Variants in PREX2 observed in about 807,000 individuals in gnomAD.
PREX2 encodes phosphatidylinositol-3,4,5-trisphosphate dependent Rac exchange factor 2.
A neutral mutation model predicts 203.2 loss-of-function variants in PREX2; 107 were observed. The observed-to-expected ratio is 0.53, with a 90% CI of 0.45 to 0.62. The LOEUF (loss-of-function observed/expected upper bound fraction) is 0.62, where lower values mean the gene tolerates loss of function less well. Ranked by LOEUF, PREX2 falls within the 20% of genes least tolerant of loss-of-function variation. PREX2 has a pLI of 0.00. For missense variants in PREX2, 1,777 were observed against 1,955.9 expected (o/e 0.91, Z 1.72); for synonymous variants, 672 against 663.6 (o/e 1.01, Z -0.19).
intron 35 of PREX2, among the ~76,000 whole-genome samples, chr8:68,171,152 G>T (rs769176601): frequency 1.3e-5 from 2 of 152,060 alleles, no homozygotes; most frequent in African/African-American, 2.4e-5. Flanking sequence ...TTATGATTTG[G>T]CATATCTGAA....
At chr8:68,156,033 A>G (rs1280241421) in intron 34 of PREX2, among the ~76,000 whole-genome samples, 1 of 151,924 alleles carries the variant, frequency 6.6e-6, no homozygotes, top group Non-Finnish European at 1.5e-5. Context: ...GAAAATTTCC[A>G]TTTTTTTACT....
At chr8:68,099,210 A>C (rs559850882) in intron 22 of PREX2, among the ~76,000 whole-genome samples, 1 of 152,204 alleles carries the variant, frequency 6.6e-6, no homozygotes, top group South Asian at 2.1e-4. Flanking sequence ...TTCAGCAAGC[A>C]GTTGTCAAAT....
chr8:68,204,451 G>A (rs879319031), intron 37 of PREX2, among the ~76,000 whole-genome samples: 5 of 152,076 alleles, frequency 3.3e-5, no homozygotes, highest in African/African-American at 1.2e-4. Flanking sequence ...AGAATTTCAT[G>A]GCTAATTCCC....
At position 68,055,936 on chromosome 8, in the gene PREX2, G is replaced by GAAAA; in HGVS notation, c.1201_1202insAAAA (p.Arg401LysfsTer9). 2 of 1,612,130 alleles carry GAAAA rather than the reference G, an allele frequency of 1.2e-6. No individual in the cohort carries two copies. Among genetic ancestry groups the GAAAA allele is most frequent in the Non-Finnish European group, 8.5e-7 (1 of 1,179,164 alleles). The stretch of plus-strand genomic sequence containing the variant: ...AAGGAAATCTGATCAAAGACCGAAA[G>GAAAA]AGAAAACTGACTACGTTCCCTAAAT... On this transcript the variant is annotated frameshift_variant, in exon 10 of 40. Transcript: ENST00000288368. LOFTEE classifies it high-confidence loss of function.
intron 37 of PREX2, among the ~76,000 whole-genome samples, chr8:68,203,586 T>G (rs1225406643): frequency 2.0e-5 from 3 of 152,172 alleles, no homozygotes; most frequent in African/African-American, 7.2e-5. Context: ...CTTTGGGTTT[T>G]AGGAGCAGGT....
intron 39 of PREX2, 28 bp from the exon 40 acceptor site, chr8:68,231,305 C>A: frequency 6.4e-7 from 1 of 1,552,538 alleles, no homozygotes; most frequent in Non-Finnish European, 8.7e-7. Flanking sequence ...CACTAAGTCA[C>A]TGTCAAACTT....
At chr8:68,056,467 G>A (rs549837014) in intron 10 of PREX2, among the ~76,000 whole-genome samples, 1 of 152,292 alleles carries the variant, frequency 6.6e-6, no homozygotes, top group African/African-American at 2.4e-5. Flanking sequence ...CAGGCAGCAA[G>A]CAATAGGCAG....
chr8:68,156,876 T>C (rs1299420301), intron 34 of PREX2, among the ~76,000 whole-genome samples: 2 of 152,216 alleles, frequency 1.3e-5, no homozygotes, highest in African/African-American at 4.8e-5. Context: ...CCTTTATGGA[T>C]GTAAATTTTC....
intron 1 of PREX2, among the ~76,000 whole-genome samples, chr8:67,981,825 G>GTGCTGTGAGGT (rs1806282316): frequency 6.6e-6 from 1 of 152,190 alleles, no homozygotes; most frequent in Non-Finnish European, 1.5e-5. Context: ...TAAGAACTAT[G>GTGCTGTGAGGT]TGCTGTGAGG....
At chr8:68,135,765 C>T (rs1375463061) in intron 32 of PREX2, among the ~76,000 whole-genome samples, 2 of 152,066 alleles carry the variant, frequency 1.3e-5, no homozygotes, top group African/African-American at 2.4e-5. Context: ...CACACAAAAT[C>T]TTGTATGCAA....
At chr8:68,103,178 T>C (rs1427538060) in intron 23 of PREX2, among the ~76,000 whole-genome samples, 1 of 152,188 alleles carries the variant, frequency 6.6e-6, no homozygotes, top group East Asian at 1.9e-4. Context: ...TCCTTACTTA[T>C]TAATGCCATG....
rs562035043 is a variant in PREX2, at chr8:68,157,706, G to A, written c.4346+270G>A. 2.4e-4 allele frequency among the ~76,000 whole-genome samples: 36 copies of A among 152,066 alleles called. No individual in the cohort carries two copies. In the South Asian group the frequency reaches 4.4e-3, roughly 18 times the overall value. On this transcript the variant is annotated intron_variant, in intron 35 of 39. Transcript: ENST00000288368. ...GAAGGGGTTAAATATGTAGTAGACC[G>A]TTTCCAAGAAAGAAAATCACTGACA...
intron 1 of PREX2, among the ~76,000 whole-genome samples, chr8:67,981,905 G>A (rs776534271): frequency 2.6e-5 from 4 of 152,184 alleles, no homozygotes; most frequent in Admixed American, 2.0e-4. Context: ...AAGAATCGCA[G>A]CTATCAGGGA....
intron 7 of PREX2, among the ~76,000 whole-genome samples, chr8:68,042,369 TTA>T (rs141826642): frequency 0.017 from 2,597 of 152,216 alleles, 56 homozygotes; most frequent in African/African-American, 0.055. Flanking sequence ...ATGATATTGC[TTA>T]GTTTGGCTTG....
intron 38 of PREX2, among the ~76,000 whole-genome samples, chr8:68,218,238 TTCGGG>T (rs1328622316): frequency 6.6e-6 from 1 of 152,198 alleles, no homozygotes; most frequent in Non-Finnish European, 1.5e-5. Flanking sequence ...TTGGACTGTC[TTCGGG>T]TCACTGGAGT....
chr8:68,118,752 A>G (rs1020789668), intron 27 of PREX2, 108 bp downstream of exon 27: 9 of 843,748 alleles, frequency 1.1e-5, no homozygotes, highest in Non-Finnish European at 1.5e-5. Flanking sequence ...TTTACCTTTT[A>G]TCAGTCACTC....
intron 37 of PREX2, among the ~76,000 whole-genome samples, chr8:68,197,485 T>C: frequency 6.6e-6 from 1 of 152,126 alleles, no homozygotes; most frequent in East Asian, 1.9e-4. Context: ...AATGTGGAAC[T>C]GTGAGTCAAT....
At chr8:68,165,768 G>A (rs889523927) in intron 35 of PREX2, among the ~76,000 whole-genome samples, 3 of 151,980 alleles carry the variant, frequency 2.0e-5, no homozygotes, top group African/African-American at 7.3e-5. Flanking sequence ...AATTATTTTA[G>A]GTATTTCAAA....
chr8:68,224,616 T>C lies in PREX2; in HGVS notation c.4765T>C (p.Ser1589Pro). ...NLGVRDRTPQ[S>P]APRLYKLCEP... ...GGGAGTCAGAGACCGGACTCCACAG[T>C]CTGCACCAAGGTAAGTGCATCCCCT... The change falls in exon 39 of 40, where the codon TCT becomes CCT. Residue 1589 changes from serine to proline, a missense_variant. Transcript: ENST00000288368. 1 of 1,613,348 alleles carries C rather than the reference T, an allele frequency of 6.2e-7. No homozygotes were observed.
Sources: gnomAD v4.1 joint callset for allele counts (sites outside exome capture counted in the v4.1 genomes callset) on GRCh38, gnomAD v4.1.1 for gene constraint, MANE v1.5 for transcripts, NCBI Gene and HGNC (gene_info 2026-07-23, HGNC 2026-07-21) for gene names.